Variants in TRIP11 observed in about 807,000 individuals in gnomAD.
The protein encoded by TRIP11 is thyroid receptor-interacting protein 11.
A neutral mutation model predicts 223.1 loss-of-function variants in TRIP11; 148 were observed. The ratio of observed to expected loss-of-function variants is 0.66; its 90% CI spans 0.58 to 0.76. The LOEUF (loss-of-function observed/expected upper bound fraction) is 0.76, where lower values mean the gene tolerates loss of function less well. Among genes scored for constraint, TRIP11 ranks in the 30% least tolerant of loss-of-function variants. The pLI is 0.00. For missense variants in TRIP11, 2,043 were observed against 2,222.0 expected, an observed-to-expected ratio of 0.92 and a Z score of 1.62; for synonymous variants, 762 against 772.6, an observed-to-expected ratio of 0.99 and a Z score of 0.23.
rs77073767 is a variant in TRIP11, at chr14:92,037,031, C to G, written c.139+2516G>C. On this transcript the variant is annotated intron_variant, in intron 1 of 20. Transcript: ENST00000267622. This position sits in a 1 kb window ranked among gnomAD's most constrained non-coding sequence, Gnocchi z 4.2. ...AGGTATGAACCACACCTGGCCAGAC[C>G]CCTATTTTTAAAAATTTACAAAATC... 0.12 allele frequency among the ~76,000 whole-genome samples: 18,786 copies of G among 152,106 alleles called. 1,273 individuals carry two copies. Among genetic ancestry groups the G allele is most frequent in the African/African-American group, 0.18 (7,456 of 41,476 alleles).
At chr14:91,980,548 A>G (rs754518442) in intron 16 of TRIP11, among the ~76,000 whole-genome samples, 1 of 152,244 alleles carries the variant, frequency 6.6e-6, no homozygotes, top group Non-Finnish European at 1.5e-5. Context: ...ACTTTTCTAA[A>G]TAGTAAAGTG....
chr14:91,992,021 T>C (rs1566851154), intron 15 of TRIP11, among the ~76,000 whole-genome samples: 1 of 130,736 alleles, frequency 7.6e-6, no homozygotes, highest in Non-Finnish European at 1.5e-5. Context: ...GCAAAGGTTG[T>C]AGTGAGCTGA....
At chr14:91,987,002 T>G (rs2295166) in intron 16 of TRIP11, among the ~76,000 whole-genome samples, 78,793 of 152,040 alleles carry the variant, frequency 0.52, 21,594 homozygotes, top group African/African-American at 0.7. Context: ...ATGGTAATAG[T>G]TAAAAAGATC....
chr14:91,987,635 A>T (rs2056619146), intron 16 of TRIP11, among the ~76,000 whole-genome samples: 1 of 152,178 alleles, frequency 6.6e-6, no homozygotes. Context: ...GCAGCCCTAG[A>T]ATAGTTTTGA....
chr14:91,997,378 T>C (rs192486480), intron 13 of TRIP11, among the ~76,000 whole-genome samples: 1 of 152,134 alleles, frequency 6.6e-6, no homozygotes, highest in Non-Finnish European at 1.5e-5. Flanking sequence ...TGACTTTACA[T>C]TTCATTGGGT....
At chr14:91,972,440 T>C in intron 20 of TRIP11, among the ~76,000 whole-genome samples, 1 of 152,220 alleles carries the variant, frequency 6.6e-6, no homozygotes, top group African/African-American at 2.4e-5. Context: ...TCATAGCTGG[T>C]TAGGCAGACA....
chr14:91,970,545 A>T (rs952176432), intron 20 of TRIP11, among the ~76,000 whole-genome samples: 3 of 152,190 alleles, frequency 2.0e-5, no homozygotes, highest in African/African-American at 7.2e-5. Flanking sequence ...ATTTTCTGAT[A>T]AAAAAACAAT....
In TRIP11 at chr14:92,003,563, T is replaced by C. The variant is rs144780536; in HGVS notation, c.4413A>G (p.Thr1471=). The change falls in exon 11 of 21, where the codon ACA becomes ACG. Residue 1471 remains threonine (T), a synonymous_variant. Coordinates refer to ENST00000267622, the MANE Select transcript of TRIP11 (RefSeq NM_004239.4). ...LKGENEKIVE[T]YRGKETEYQA... ...GATATTCTGTTTCCTTTCCCCTGTA[T>C]GTTTCCACTATTTTTTCATTTTCTC... 4 of 1,614,194 alleles carry C rather than the reference T, an allele frequency of 2.5e-6. No homozygotes were observed. In the African/African-American group the frequency reaches 4.0e-5, roughly 16 times the overall value.
chr14:91,988,190 G>T, intron 16 of TRIP11, 94 bp downstream of exon 16: 2 of 885,140 alleles, frequency 2.3e-6, no homozygotes, highest in Non-Finnish European at 3.6e-6. Context: ...CAATGAAGTT[G>T]GTCTCACTCA....
chr14:91,999,831 T>C, intron 12 of TRIP11, 137 bp downstream of exon 12: 1 of 1,150,708 alleles, frequency 8.7e-7, no homozygotes. Flanking sequence ...GATTAAAATT[T>C]TACTACTGCA....
At chr14:92,008,258 C>T (rs1324040072) in intron 9 of TRIP11, among the ~76,000 whole-genome samples, 2 of 152,192 alleles carry the variant, frequency 1.3e-5, no homozygotes, top group Non-Finnish European at 2.9e-5. Flanking sequence ...TCCTCACTTC[C>T]ATTCTCTAAC....
chr14:91,981,087 C>T (rs1297792596), intron 16 of TRIP11, among the ~76,000 whole-genome samples: 6 of 141,806 alleles, frequency 4.2e-5, no homozygotes. Flanking sequence ...GGCGCCCCAG[C>T]TCACTGCAAC....
intron 4 of TRIP11, among the ~76,000 whole-genome samples, chr14:92,020,471 A>G (rs1417624421): frequency 6.6e-6 from 1 of 152,106 alleles, no homozygotes; most frequent in Non-Finnish European, 1.5e-5. Context: ...ATATTTTATA[A>G]TATCAATTAC....
In TRIP11 at chr14:92,003,739, C is replaced by G. The variant is rs763641075; in HGVS notation, c.4237G>C (p.Asp1413His). 12 of 1,614,162 alleles carry G rather than the reference C, an allele frequency of 7.4e-6. No homozygotes were observed. The highest frequency in any genetic ancestry group is 1.0e-5 in the Non-Finnish European group (12 of 1,180,026). ...DVLQKLLKEKDLLIKAKSDQL... is the reference protein window; with the variant it reads ...DVLQKLLKEKHLLIKAKSDQL... Reference sequence around the variant, plus strand: ...TCACTTTTGGCTTTGATTAAGAGGTCTTTTTCCTTAAGTAACTTTTGCAAA... The same window carrying G: ...TCACTTTTGGCTTTGATTAAGAGGTGTTTTTCCTTAAGTAACTTTTGCAAA... Residue 1413 changes from aspartate to histidine, a missense_variant, in exon 11 of 21, where the codon GAC (aspartate) becomes CAC (histidine). By Grantham distance (81) the Asp-to-His change is moderately conservative (BLOSUM62 -1). Coordinates refer to ENST00000267622, the MANE Select transcript of TRIP11 (RefSeq NM_004239.4).
In TRIP11 at chr14:92,005,852, G is replaced by GT. The variant is rs747106242; in HGVS notation, c.2123dup (p.Asn708LysfsTer22). 18 of 1,613,778 alleles carry GT rather than the reference G, an allele frequency of 1.1e-5. No individual in the cohort carries two copies. Among genetic ancestry groups the GT allele is most frequent in the Admixed American group, 1.7e-5 (1 of 59,986 alleles). On this transcript the variant is annotated frameshift_variant, in exon 11 of 21. Coordinates refer to ENST00000267622, the MANE Select transcript of TRIP11 (RefSeq NM_004239.4). LOFTEE classifies it high-confidence loss of function. ...CCATTTTTAGAGTCTCCACAATAGTGTTTTTTTCCAGAGAAAGCTGATTGT... is the reference window on the plus strand; with the variant it reads ...CCATTTTTAGAGTCTCCACAATAGTGTTTTTTTTCCAGAGAAAGCTGATTGT...
chr14:91,999,165 T>C (rs1253303758), intron 13 of TRIP11, 75 bp downstream of exon 13: 8 of 1,496,640 alleles, frequency 5.3e-6, no homozygotes, highest in African/African-American at 1.4e-5. Flanking sequence ...TGAGCTAACA[T>C]ACAAAAAATA....
At chr14:92,017,161 C>T (rs968057986) in intron 5 of TRIP11, among the ~76,000 whole-genome samples, 1 of 151,674 alleles carries the variant, frequency 6.6e-6, no homozygotes, top group Non-Finnish European at 1.5e-5. Flanking sequence ...AGATAAGCTC[C>T]GTAATAAATG....
intron 2 of TRIP11, among the ~76,000 whole-genome samples, chr14:92,026,291 A>G (rs1010905132): frequency 1.3e-5 from 2 of 152,240 alleles, no homozygotes; most frequent in African/African-American, 4.8e-5. Flanking sequence ...GAACCTAGAC[A>G]TTACACACTG....
chr14:92,009,612 G>A (rs1019657356), intron 9 of TRIP11, among the ~76,000 whole-genome samples: 1 of 152,156 alleles, frequency 6.6e-6, no homozygotes, highest in African/African-American at 2.4e-5. Flanking sequence ...ACGACTGGGA[G>A]ATACTGCTGG....
Sources: allele counts gnomAD v4.1 joint callset (sites outside exome capture counted in the v4.1 genomes callset), GRCh38; gene constraint gnomAD v4.1.1; non-coding constraint Gnocchi (gnomAD v3.1); transcripts MANE v1.5; gene names NCBI Gene and HGNC (gene_info 2026-07-23, HGNC 2026-07-21).